KIF13A: variants seen among roughly 807,000 people sequenced by gnomAD.
KIF13A encodes the protein kinesin-like protein KIF13A.
In KIF13A, 79 loss-of-function variants were observed where a neutral mutation model predicts 212.2. The ratio of observed to expected loss-of-function variants is 0.37; its 90% confidence interval spans 0.31 to 0.45. The LOEUF (loss-of-function observed/expected upper bound fraction) is 0.45. KIF13A is among the 20% of genes least tolerant of loss of function. The pLI is 1.00. For missense variants in KIF13A, 1,901 were observed against 2,209.0 expected, an observed-to-expected ratio of 0.86 and a Z score of 2.79; for synonymous variants, 789 against 808.6, an observed-to-expected ratio of 0.98 and a Z score of 0.41.
intron 2 of KIF13A, among the ~76,000 whole-genome samples, chr6:17,903,754 A>C (rs919037198): frequency 2.6e-5 from 4 of 152,204 alleles, no homozygotes; most frequent in Admixed American, 2.6e-4. Context: ...TTTGTTAGCA[A>C]AAGTACTTAA....
Position 17,826,128 on chromosome 6 carries a change from G to A in KIF13A, c.1533-4C>T. The A allele has an allele frequency of 3.1e-6, 5 of 1,612,646 alleles. No homozygotes were observed. The highest frequency in any genetic ancestry group is 4.2e-6 in the Non-Finnish European group (5 of 1,178,814). ...AAGGGTGCCGTTCACACAGGACCTGGGAGAACACGAGGGAAAATACCAGGT... is the reference window on the plus strand; with the variant it reads ...AAGGGTGCCGTTCACACAGGACCTGAGAGAACACGAGGGAAAATACCAGGT... On this transcript the variant is annotated splice_polypyrimidine_tract_variant and splice_region_variant and intron_variant, in intron 14 of 38. Transcript: ENST00000259711. This position sits in a 1 kb window ranked among gnomAD's most constrained non-coding sequence, Gnocchi z 4.7.
chr6:17,936,681 G>A (rs1360494819), intron 2 of KIF13A, among the ~76,000 whole-genome samples: 1 of 152,108 alleles, frequency 6.6e-6, no homozygotes, highest in Admixed American at 6.5e-5. Flanking sequence ...CATAGATGAG[G>A]TTCAGACAAG....
intron 2 of KIF13A, among the ~76,000 whole-genome samples, chr6:17,980,974 T>C (rs1409037124): frequency 1.3e-5 from 2 of 149,740 alleles, no homozygotes; most frequent in African/African-American, 2.4e-5. Flanking sequence ...AAAGAATGAA[T>C]TAAAACCACT....
rs1759571125 is a variant in KIF13A, at chr6:17,772,387, CAA to C, written c.4325-330_4325-329del. 6.6e-6 allele frequency among the ~76,000 whole-genome samples: 1 copy of C among 151,680 alleles called. No individual in the cohort carries two copies. The highest frequency in any genetic ancestry group is 1.5e-5 in the Non-Finnish European group (1 of 67,968). On this transcript the variant is annotated intron_variant, in intron 36 of 38. Coordinates refer to ENST00000259711, the MANE Select transcript of KIF13A (RefSeq NM_022113.6). This position sits in a 1 kb window ranked among gnomAD's most constrained non-coding sequence, Gnocchi z 4.8. ...TGGTGCCACTGCACTCCAGCCCGGG[CAA>C]GAGAGAGAGAGGGAGACCCTGTCTA...
At chr6:17,801,338 A>G (rs1762457347) in intron 20 of KIF13A, among the ~76,000 whole-genome samples, 1 of 151,906 alleles carries the variant, frequency 6.6e-6, no homozygotes, top group South Asian at 2.1e-4. Flanking sequence ...CTAAAAATAC[A>G]AATAATTAAA....
chr6:17,794,486 C>G lies in KIF13A; in HGVS notation c.3075+86G>C. 1 of 1,558,818 alleles carries G rather than the reference C, an allele frequency of 6.4e-7. No individual in the cohort carries two copies. Among genetic ancestry groups the G allele is most frequent in the Non-Finnish European group, 8.7e-7 (1 of 1,150,444 alleles). ...GGAAAAGGATTAGAGAATAAAGATA[C>G]AAATAGTTAGAAAATCCCCAGAAAC... On this transcript the variant is annotated intron_variant, in intron 24 of 38. Coordinates refer to ENST00000259711, the MANE Select transcript of KIF13A (RefSeq NM_022113.6). The surrounding 1 kb of genome is among the most constrained non-coding windows in gnomAD (Gnocchi z 4.1).
chr6:17,847,711 A>G (rs1158500883), intron 9 of KIF13A, among the ~76,000 whole-genome samples: 2 of 152,330 alleles, frequency 1.3e-5, no homozygotes, highest in Middle Eastern at 3.4e-3. Context: ...AACAACAGCT[A>G]TAACAGTTAA....
chr6:17,985,935 A>G (rs1011266459), intron 2 of KIF13A, among the ~76,000 whole-genome samples: 14 of 152,204 alleles, frequency 9.2e-5, no homozygotes, highest in Admixed American at 4.6e-4. Flanking sequence ...TATGCTCAAC[A>G]CGAAAAGCAA....
At position 17,799,281 on chromosome 6, in the gene KIF13A, G is replaced by C. The variant is rs370132576; in HGVS notation, c.2775C>G (p.Thr925=). ...PQSKDAQYTV[T]FSHCKDYVVN... ...GCATTTGTACCTTACAGTGGGAGAA[G>C]GTCACTGTGTACTGGGCATCCTTGG... The change falls in exon 22 of 39, where the codon ACC becomes ACG. Residue 925 remains threonine (T), a synonymous_variant. Coordinates refer to ENST00000259711, the MANE Select transcript of KIF13A (RefSeq NM_022113.6). The surrounding 1 kb of genome is among the most constrained non-coding windows in gnomAD (Gnocchi z 4.4). 2.3e-5 allele frequency: 37 copies of C among 1,600,520 alleles called. No individual in the cohort carries two copies. In the African/African-American group the frequency reaches 4.3e-4, roughly 19 times the overall value.
intron 3 of KIF13A, among the ~76,000 whole-genome samples, chr6:17,896,013 T>C (rs1004065718): frequency 2.0e-5 from 3 of 152,222 alleles, no homozygotes; most frequent in Non-Finnish European, 4.4e-5. Flanking sequence ...CTTTGGTATA[T>C]GTGGGGAATT....
chr6:17,880,683 A>G (rs1228505489), intron 3 of KIF13A, among the ~76,000 whole-genome samples: 1 of 150,168 alleles, frequency 6.7e-6, no homozygotes, highest in Non-Finnish European at 1.5e-5. Flanking sequence ...CAGAGACTGC[A>G]GTGGGGCTTG....
intron 18 of KIF13A, among the ~76,000 whole-genome samples, chr6:17,807,601 CCT>C (rs1763077886): frequency 6.9e-6 from 1 of 144,746 alleles, no homozygotes; most frequent in East Asian, 1.9e-4. Context: ...TCTCCTTTTG[CCT>C]CTGTCCTGTT....
intron 2 of KIF13A, among the ~76,000 whole-genome samples, chr6:17,941,116 C>T (rs181947641): frequency 1.4e-3 from 219 of 152,314 alleles, no homozygotes; most frequent in African/African-American, 5.0e-3. Context: ...TGAGCCATTG[C>T]ACCTGGCCCA....
intron 2 of KIF13A, among the ~76,000 whole-genome samples, chr6:17,975,252 C>T (rs552813347): frequency 3.3e-5 from 5 of 152,140 alleles, no homozygotes; most frequent in African/African-American, 1.2e-4. Context: ...ACTCGGAAGG[C>T]TCAGGCAGGA....
At chr6:17,844,056 AAAAG>A (rs1254290003) in intron 9 of KIF13A, among the ~76,000 whole-genome samples, 3 of 151,710 alleles carry the variant, frequency 2.0e-5, no homozygotes, top group Admixed American at 6.6e-5. Context: ...AAAAAAAAAA[AAAAG>A]AAAGAAAGAA....
Position 17,834,120 on chromosome 6 carries a change from C to T in KIF13A, c.1156-49G>A, listed in dbSNP as rs766122034. Reference sequence around the variant, plus strand: ...CTGATGTTCAAAATTTTTCCACCATCATATACAAGACAATCAGTTACTGTC... The same window carrying T: ...CTGATGTTCAAAATTTTTCCACCATTATATACAAGACAATCAGTTACTGTC... On this transcript the variant is annotated intron_variant, in intron 11 of 38. Transcript: ENST00000259711. This position sits in a 1 kb window ranked among gnomAD's most constrained non-coding sequence, Gnocchi z 4.0. 1.9e-5 allele frequency: 22 copies of T among 1,133,714 alleles called. No individual in the cohort carries two copies. The highest frequency in any genetic ancestry group is 2.6e-5 in the Non-Finnish European group (21 of 794,902). 70.2% of individuals were successfully genotyped at this position (1,133,714 alleles called of 1,614,324 possible).
At chr6:17,964,419 T>C (rs1205295545) in intron 2 of KIF13A, among the ~76,000 whole-genome samples, 1 of 152,184 alleles carries the variant, frequency 6.6e-6, no homozygotes, top group Admixed American at 6.5e-5. Context: ...CAAGTAATTG[T>C]ACTTTATTCT....
intron 2 of KIF13A, 60 bp downstream of exon 2, chr6:17,986,994 A>C: frequency 2.0e-5 from 26 of 1,307,256 alleles, no homozygotes; most frequent in Middle Eastern, 1.8e-4. Context: ...TTCCTGGCTC[A>C]AACTTGCGGG....
chr6:17,896,141 C>T (rs949576051), intron 3 of KIF13A, among the ~76,000 whole-genome samples: 1 of 152,060 alleles, frequency 6.6e-6, no homozygotes. Flanking sequence ...TTTATGTCCC[C>T]CGAATACTGT....
Sources: allele counts gnomAD v4.1 joint callset (sites outside exome capture counted in the v4.1 genomes callset), GRCh38; gene constraint gnomAD v4.1.1; non-coding constraint Gnocchi (gnomAD v3.1); transcripts MANE v1.5; gene names NCBI Gene and HGNC (gene_info 2026-07-23, HGNC 2026-07-21).